Variants in RDH10 observed in about 807,000 individuals in gnomAD.
RDH10 encodes the protein retinol dehydrogenase 10 (all-trans).
In RDH10, 12 loss-of-function variants were observed where a neutral mutation model predicts 30.2. The observed-to-expected ratio is 0.40, with a 90% CI of 0.25 to 0.64. The LOEUF (loss-of-function observed/expected upper bound fraction) is 0.64, where lower values mean the gene tolerates loss of function less well. Ranked by LOEUF, RDH10 falls within the 30% of genes least tolerant of loss-of-function variation. The pLI is 0.43. For missense variants in RDH10, 268 were observed against 445.2 expected, an observed-to-expected ratio of 0.60 and a Z score of 3.58; for synonymous variants, 189 against 172.2, an observed-to-expected ratio of 1.10 and a Z score of -0.76.
chr8:73,321,200 A>G, intron 4 of RDH10, 123 bp downstream of exon 4: 1 of 920,948 alleles, frequency 1.1e-6, no homozygotes, highest in South Asian at 1.9e-5. Context: ...TTTATTGGTC[A>G]AGATTTGTAA....
At chr8:73,301,981 TTGAA>T (rs776214304) in intron 2 of RDH10, among the ~76,000 whole-genome samples, 1 of 152,220 alleles carries the variant, frequency 6.6e-6, no homozygotes, top group African/African-American at 2.4e-5. Flanking sequence ...GTATGCCAGT[TTGAA>T]TGAAGCTCAC....
intron 2 of RDH10, chr8:73,312,284 A>T (rs1814577102): frequency 6.6e-6 from 1 of 152,226 alleles, no homozygotes; most frequent in South Asian, 2.1e-4. Context: ...TAAAAGATAA[A>T]CACTTCAAAA....
Position 73,295,220 on chromosome 8 carries a change from AGCCCGATTGCCGGGC to A in RDH10, c.-69_-55del. ...CTGTGACAAGCGCCCCGGAGCCGGG[AGCCCGATTGCCGGGC>A]TCGGGGTGGGCGCGGACGCAGGCAC... is the stretch of plus-strand genomic sequence containing the variant. On this transcript the variant is annotated 5_prime_UTR_variant, in exon 1 of 6. Transcript: ENST00000240285. 1 of 1,103,426 alleles carries A rather than the reference AGCCCGATTGCCGGGC, an allele frequency of 9.1e-7. No individual in the cohort carries two copies. Among genetic ancestry groups the A allele is most frequent in the Non-Finnish European group, 1.2e-6 (1 of 817,126 alleles). The allele number at this position is 1,103,426 out of a possible 1,614,324, so 68.4% of individuals were successfully genotyped here.
chr8:73,318,301 G>T (rs910835468), intron 2 of RDH10, among the ~76,000 whole-genome samples: 1 of 151,956 alleles, frequency 6.6e-6, no homozygotes, highest in Non-Finnish European at 1.5e-5. Context: ...AGAAATCGGC[G>T]CCACCTCTGA....
intron 1 of RDH10, 158 bp from the exon 2 acceptor site, chr8:73,297,025 GGCAGCTGTAAA>G (rs1318981305): frequency 8.3e-6 from 5 of 600,584 alleles, no homozygotes; most frequent in Non-Finnish European, 1.5e-5. Context: ...ATGGGAGGAA[GGCAGCTGTAAA>G]GCTCAGTCGT....
intron 2 of RDH10, among the ~76,000 whole-genome samples, chr8:73,314,172 T>C (rs1448845132): frequency 6.6e-6 from 1 of 152,232 alleles, no homozygotes; most frequent in East Asian, 1.9e-4. Context: ...GCTACAATAT[T>C]TGTGCACATT....
At chr8:73,316,589 G>C (rs1293061048) in intron 2 of RDH10, among the ~76,000 whole-genome samples, 1 of 151,968 alleles carries the variant, frequency 6.6e-6, no homozygotes, top group Non-Finnish European at 1.5e-5. Context: ...GCAGTAATGA[G>C]AAGTGTGTTC....
chr8:73,321,782 A>G (rs1186552801), intron 4 of RDH10: 1 of 456,066 alleles, frequency 2.2e-6, no homozygotes, highest in African/African-American at 2.0e-5. Context: ...AAGGAAGATA[A>G]CCAAACCAGT....
At chr8:73,322,359 C>G (rs1441127310) in intron 4 of RDH10, 4 of 285,042 alleles carry the variant, frequency 1.4e-5, no homozygotes, top group Non-Finnish European at 2.7e-5. Flanking sequence ...ATGCCAAACA[C>G]CTTCTCCTCT....
In RDH10 at chr8:73,325,193, G is replaced by A. The variant is rs904345492; in HGVS notation, c.*2157G>A. ...TCTTTACATCTAATTTTATTCTTGT[G>A]TGTTATAACTTAAACCTATTTCTAT... On this transcript the variant is annotated 3_prime_UTR_variant, in exon 6 of 6. Transcript: ENST00000240285. 3 of 152,174 alleles carry A rather than the reference G, an allele frequency of 2.0e-5. No individual in the cohort carries two copies. The highest frequency in any genetic ancestry group is 4.4e-5 in the Non-Finnish European group (3 of 68,016). 9.4% of individuals were successfully genotyped at this position (152,174 alleles called of 1,614,324 possible).
chr8:73,310,888 A>G (rs1814551789), intron 2 of RDH10: 1 of 152,212 alleles, frequency 6.6e-6, no homozygotes, highest in Admixed American at 6.5e-5. Flanking sequence ...AAACGGAAGA[A>G]GGATGATTGT....
At chr8:73,301,902 A>C (rs541238929) in intron 2 of RDH10, among the ~76,000 whole-genome samples, 1 of 152,072 alleles carries the variant, frequency 6.6e-6, no homozygotes, top group South Asian at 2.1e-4. Flanking sequence ...ATGTGTTCTG[A>C]TTTTTACTAT....
rs141307529 is a variant in RDH10 at position 73,296,012 on chromosome 8, G to A, written c.289+434G>A. 8.8e-4 allele frequency: 159 copies of A among 179,970 alleles called. 9 individuals carry two copies. The East Asian group carries it at 0.015, about 17-fold the overall frequency. The allele number at this position is 179,970 out of a possible 1,614,324, so 11.1% of individuals were successfully genotyped here. ...TTACTGTGGTCTGAACCCCTTAGAC[G>A]AGGGCAGTATTGACGGTTTCATTAT... is the stretch of plus-strand genomic sequence containing the variant. On this transcript the variant is annotated intron_variant, in intron 1 of 5. Transcript: ENST00000240285.
chr8:73,304,424 T>A (rs1814434337), intron 2 of RDH10, among the ~76,000 whole-genome samples: 1 of 152,210 alleles, frequency 6.6e-6, no homozygotes, highest in South Asian at 2.1e-4. Context: ...GCCTCTGATC[T>A]TCTTTTCCTG....
At chr8:73,301,042 CTTTTTTTT>C (rs57107587) in intron 2 of RDH10, among the ~76,000 whole-genome samples, 5 of 87,238 alleles carry the variant, frequency 5.7e-5, no homozygotes, top group African/African-American at 2.4e-4. Context: ...AAACTCTATT[CTTTTTTTT>C]TTTTTTTTTT....
At chr8:73,312,025 C>T (rs1170986015) in intron 2 of RDH10, 1 of 152,036 alleles carries the variant, frequency 6.6e-6, no homozygotes, top group Non-Finnish European at 1.5e-5. Context: ...ATAATACTTT[C>T]TGTGGTCGAA....
chr8:73,314,660 C>T (rs1220907433), intron 2 of RDH10, among the ~76,000 whole-genome samples: 1 of 152,182 alleles, frequency 6.6e-6, no homozygotes, highest in Non-Finnish European at 1.5e-5. Context: ...AGAAACAAGC[C>T]GTCTGGGATC....
chr8:73,308,866 G>A (rs1244077496), intron 2 of RDH10, among the ~76,000 whole-genome samples: 2 of 152,176 alleles, frequency 1.3e-5, no homozygotes, highest in Admixed American at 6.5e-5. Flanking sequence ...CTGAAGCCAC[G>A]TGAGGTTGGG....
chr8:73,297,541 G>GTC lies in RDH10; in HGVS notation c.525+115_525+116dup, dbSNP rs987667238. 2.0e-5 allele frequency: 15 copies of GTC among 754,056 alleles called. No individual in the cohort carries two copies. The Admixed American group carries it at 2.7e-4, about 13-fold the overall frequency. 46.7% of individuals were successfully genotyped at this position (754,056 alleles called of 1,614,324 possible). A position where few individuals can be genotyped will look rare whatever the true frequency, so the allele number is the denominator to read the frequency against. ...GCAACCTGTACTCTTTCGCCACAAGGTCTCCTTAGCTCTTCCCTATGGTAA... is the reference window on the plus strand; with the variant it reads ...GCAACCTGTACTCTTTCGCCACAAGGTCTCTCCTTAGCTCTTCCCTATGGTAA... On this transcript the variant is annotated intron_variant, in intron 2 of 5. Coordinates refer to ENST00000240285, the MANE Select transcript of RDH10 (RefSeq NM_172037.5).
Sources: gnomAD v4.1 joint callset for allele counts (sites outside exome capture counted in the v4.1 genomes callset) on GRCh38, gnomAD v4.1.1 for gene constraint, MANE v1.5 for transcripts, NCBI Gene and HGNC (gene_info 2026-07-23, HGNC 2026-07-21) for gene names.